WDR41: variants seen among roughly 807,000 people sequenced by gnomAD.
The protein encoded by WDR41 is WD repeat-containing protein 41.
A neutral mutation model predicts 69.3 loss-of-function variants in WDR41; 63 were observed. That is an observed-to-expected ratio of 0.91 (90% CI 0.74 to 1.12). WDR41 has a LOEUF of 1.12. Ranked by LOEUF, WDR41 falls within the 50% of genes most tolerant of loss-of-function variation. The probability of loss-of-function intolerance (pLI) is 0.00; values close to 1 mark genes in which losing one functional copy is unlikely to be tolerated. For missense variants in WDR41, 543 were observed against 534.5 expected (o/e 1.02, Z -0.16); for synonymous variants, 185 against 192.1 (o/e 0.96, Z 0.31).
rs150215477 is a variant in WDR41 at position 77,526,403 on chromosome 5, G to A, written c.43-36831C>T. Among the ~76,000 whole-genome samples the A allele has an allele frequency of 3.2e-4, 49 of 151,186 alleles. 1 individual carries two copies. The East Asian group carries it at 9.5e-3, about 29-fold the overall frequency. On this transcript the variant is annotated intron_variant, in intron 1 of 5. Coordinates refer to the WDR41 transcript ENST00000509971. ...AACCAATGTTCAAGTTTCCTTATTT[G>A]TCTCAAAAATATCTTTTTACATTTA... is the stretch of plus-strand genomic sequence containing the variant.
chr5:77,617,893 T>C (rs1744706356), intron 1 of WDR41, among the ~76,000 whole-genome samples: 1 of 152,122 alleles, frequency 6.6e-6, no homozygotes, highest in Admixed American at 6.5e-5. Context: ...CCCATATGAG[T>C]GGCAACTTGA....
chr5:77,512,763 A>AC (rs892372940), intron 1 of WDR41, among the ~76,000 whole-genome samples: 1 of 151,742 alleles, frequency 6.6e-6, no homozygotes, highest in Non-Finnish European at 1.5e-5. Flanking sequence ...AAAAAAAAAA[A>AC]AAATTGGTCA....
chr5:77,486,365 G>A (rs1397693984), intron 2 of WDR41, among the ~76,000 whole-genome samples: 1 of 152,116 alleles, frequency 6.6e-6, no homozygotes, highest in African/African-American at 2.4e-5. Context: ...CAAAAAGCAG[G>A]CTTCTTCATC....
intron 1 of WDR41, among the ~76,000 whole-genome samples, chr5:77,547,588 T>C (rs952420974): frequency 6.7e-6 from 1 of 149,064 alleles, no homozygotes; most frequent in South Asian, 2.1e-4. Flanking sequence ...AGGTGAAAGA[T>C]CTCTACAAGG....
In WDR41 at chr5:77,440,911, A is replaced by G. The variant is rs1799132983; in HGVS notation, c.784T>C (p.Phe262Leu). 5.0e-6 allele frequency: 8 copies of G among 1,614,038 alleles called. No homozygotes were observed. Among genetic ancestry groups the G allele is most frequent in the African/African-American group, 1.3e-5 (1 of 74,912 alleles). The change falls in exon 9 of 13, where the codon TTC becomes CTC. Residue 262 changes from phenylalanine (F) to leucine (L), a missense_variant. By Grantham distance (22) the Phe-to-Leu change is conservative (BLOSUM62 0). Transcript: ENST00000296679. ...DWTMQAYERN[F>L]WDPSPQLDTQ... The stretch of plus-strand genomic sequence containing the variant: ...TCCAGTTGTGGAGATGGGTCCCAGA[A>G]GTTGCGTTCATAGGCCTGCATGGTC...
intron 1 of WDR41, among the ~76,000 whole-genome samples, chr5:77,508,026 T>C (rs1802138589): frequency 6.6e-6 from 1 of 152,190 alleles, no homozygotes; most frequent in Non-Finnish European, 1.5e-5. Flanking sequence ...TCAAATCTAC[T>C]GAGCCTCTCC....
intron 9 of WDR41, among the ~76,000 whole-genome samples, 199 bp downstream of exon 9, chr5:77,440,614 T>C (rs1026740702): frequency 6.6e-6 from 1 of 152,218 alleles, no homozygotes; most frequent in African/African-American, 2.4e-5. Context: ...ATTTAATCAT[T>C]TCCTTGCCTC....
chr5:77,601,729 G>A (rs988850952), intron 1 of WDR41, among the ~76,000 whole-genome samples: 2 of 152,152 alleles, frequency 1.3e-5, no homozygotes, highest in African/African-American at 4.8e-5. Flanking sequence ...CTCCCTCAGA[G>A]ACACAGAATG....
intron 1 of WDR41, chr5:77,582,951 T>C (rs1743968581): frequency 1.2e-6 from 2 of 1,608,460 alleles, no homozygotes; most frequent in Non-Finnish European, 1.7e-6. Flanking sequence ...ATTTGATTCA[T>C]GAGATCTATA....
chr5:77,458,085 T>TTAAAGGAATGTAAAA lies in WDR41; in HGVS notation c.411+976_411+977insTTTTACATTCCTTTA, dbSNP rs1799904465. Among the ~76,000 whole-genome samples, 7 of 152,238 alleles carry TTAAAGGAATGTAAAA rather than the reference T, an allele frequency of 4.6e-5. No homozygotes were observed. The South Asian group carries it at 1.5e-3, about 32-fold the overall frequency. On this transcript the variant is annotated intron_variant, in intron 5 of 12. Transcript: ENST00000296679. The stretch of plus-strand genomic sequence containing the variant: ...TTAGTTTTTCAGGTAGCAAGAATAT[T>TTAAAGGAATGTAAAA]TTTAAAGGAATGTAAAAGGCACATC...
chr5:77,612,595 C>G (rs976931819), intron 1 of WDR41, among the ~76,000 whole-genome samples: 3 of 152,096 alleles, frequency 2.0e-5, no homozygotes, highest in Non-Finnish European at 4.4e-5. Flanking sequence ...ATTCAACAAC[C>G]CTTCATACTA....
chr5:77,472,888 A>G (rs1258438296), intron 2 of WDR41, among the ~76,000 whole-genome samples: 3 of 152,142 alleles, frequency 2.0e-5, no homozygotes, highest in Admixed American at 6.5e-5. Context: ...TCAAGCTACC[A>G]ATGACTTTCT....
intron 5 of WDR41, among the ~76,000 whole-genome samples, chr5:77,456,871 CTTCT>C (rs1242744667): frequency 1.3e-5 from 2 of 150,850 alleles, no homozygotes; most frequent in South Asian, 2.1e-4. Context: ...CTGGCTAATT[CTTCT>C]TTCTTTTTTT....
At chr5:77,473,020 ATAC>A (rs1268671796) in intron 2 of WDR41, among the ~76,000 whole-genome samples, 2 of 152,212 alleles carry the variant, frequency 1.3e-5, no homozygotes, top group Admixed American at 6.5e-5. Context: ...ACTTCAAATT[ATAC>A]TACAAGGCTA....
intron 9 of WDR41, among the ~76,000 whole-genome samples, chr5:77,439,383 C>T (rs1366662438): frequency 6.6e-6 from 1 of 152,178 alleles, no homozygotes; most frequent in African/African-American, 2.4e-5. Flanking sequence ...TGAATGATCC[C>T]CTTGACTCTC....
intron 2 of WDR41, among the ~76,000 whole-genome samples, chr5:77,468,934 C>T (rs550772298): frequency 6.6e-6 from 1 of 151,986 alleles, no homozygotes; most frequent in South Asian, 2.1e-4. Context: ...TGGTTTTGTT[C>T]TCCATCTTTT....
At chr5:77,489,278 G>A (rs1052524185) in intron 2 of WDR41, among the ~76,000 whole-genome samples, 179 bp downstream of exon 2, 3 of 152,056 alleles carry the variant, frequency 2.0e-5, no homozygotes, top group African/African-American at 7.2e-5. Flanking sequence ...GGGCAAAAAA[G>A]ACTCTAGATA....
At chr5:77,534,839 C>G (rs959668574) in intron 1 of WDR41, among the ~76,000 whole-genome samples, 6 of 152,136 alleles carry the variant, frequency 3.9e-5, no homozygotes, top group Non-Finnish European at 7.4e-5. Context: ...TCTCAGAGAT[C>G]AAAGTCTAAA....
At chr5:77,492,629 C>T (rs1224558926), upstream of WDR41, 1 of 198,756 alleles carries the variant, frequency 5.0e-6, no homozygotes, top group Non-Finnish European at 1.0e-5. Context: ...AGAATAATGC[C>T]CCTCCCTGTG....
Sources: gnomAD v4.1 joint callset for allele counts (sites outside exome capture counted in the v4.1 genomes callset) on GRCh38, gnomAD v4.1.1 for gene constraint, MANE v1.5 for transcripts, NCBI Gene and HGNC (gene_info 2026-07-23, HGNC 2026-07-21) for gene names.